RIMS2: variants seen among roughly 807,000 people sequenced by gnomAD.
RIMS2 encodes the protein regulating synaptic membrane exocytosis protein 2.
In RIMS2, 59 loss-of-function variants were observed where a neutral mutation model predicts 174.4. The observed-to-expected ratio is 0.34, with a 90% CI of 0.27 to 0.42. RIMS2 has a LOEUF of 0.42. RIMS2 is among the 10% of genes least tolerant of loss of function. The probability of loss-of-function intolerance (pLI) is 1.00; values close to 1 mark genes in which losing one functional copy is unlikely to be tolerated. For synonymous variants in RIMS2, 606 were observed against 572.5 expected (o/e 1.06, Z -0.84); for missense variants, 1,620 against 1,666.3 (o/e 0.97, Z 0.48).
intron 19 of RIMS2, among the ~76,000 whole-genome samples, chr8:104,222,800 G>C (rs953410198): frequency 6.6e-6 from 1 of 152,158 alleles, no homozygotes; most frequent in African/African-American, 2.4e-5. Flanking sequence ...ATTTAATTTA[G>C]AGAAAGAAGG....
chr8:104,151,715 G>A (rs2098690831), intron 19 of RIMS2, among the ~76,000 whole-genome samples: 1 of 152,156 alleles, frequency 6.6e-6, no homozygotes, highest in Non-Finnish European at 1.5e-5. Flanking sequence ...CACTTTTGAA[G>A]CTTGTGTCAG....
rs149129185 is a variant in RIMS2, at chr8:103,651,062, G to C, written c.177-46024G>C. Among the ~76,000 whole-genome samples, 939 of 152,344 alleles carry C rather than the reference G, an allele frequency of 6.2e-3. 12 individuals carry two copies. The highest frequency in any genetic ancestry group is 0.021 in the African/African-American group (889 of 41,576). ...CTGTGTGTGTCTAAGCAGCCGCTCT[G>C]CCGAAACCTCACATAGCTCAGTGTA... On this transcript the variant is annotated intron_variant, in intron 1 of 23. Transcript: ENST00000504942.
chr8:103,771,980 G>A (rs1450043048), intron 3 of RIMS2, among the ~76,000 whole-genome samples: 2 of 151,936 alleles, frequency 1.3e-5, no homozygotes, highest in Non-Finnish European at 2.9e-5. Flanking sequence ...AAACTGTAAA[G>A]TTTTAAGGTA....
At position 103,905,140 on chromosome 8, in the gene RIMS2, AT is replaced by A. The variant is rs544961589; in HGVS notation, c.1625-4991del. 1.2e-4 allele frequency among the ~76,000 whole-genome samples: 19 copies of A among 152,216 alleles called. No homozygotes were observed. The South Asian group carries it at 3.7e-3, about 30-fold the overall frequency. On this transcript the variant is annotated intron_variant, in intron 4 of 23. Coordinates refer to ENST00000504942, the Ensembl canonical transcript of RIMS2. ...CTGCACTTTAAATATCAGAAACATAATTTAGAAAACTCAAGAGGAGAAGAAA... is the reference window on the plus strand; with the variant it reads ...CTGCACTTTAAATATCAGAAACATAATTAGAAAACTCAAGAGGAGAAGAAA...
At chr8:103,912,647 G>A (rs926834150) in intron 6 of RIMS2, among the ~76,000 whole-genome samples, 1 of 152,070 alleles carries the variant, frequency 6.6e-6, no homozygotes, top group Non-Finnish European at 1.5e-5. Flanking sequence ...GTGCATATGT[G>A]CACTTAAGAG....
chr8:103,666,512 C>T (rs937433609), intron 1 of RIMS2, among the ~76,000 whole-genome samples: 2 of 152,154 alleles, frequency 1.3e-5, no homozygotes, highest in Non-Finnish European at 2.9e-5. Flanking sequence ...TTTGTAAGTC[C>T]TTGTAAACAG....
rs149617188 is a variant in RIMS2, at chr8:103,671,902, C to T, written c.177-25184C>T. ...AATGCTTCCCATATGCTTTAACATA[C>T]CAAATAAGCCTGTTCATCTCTCTTT... is the stretch of plus-strand genomic sequence containing the variant. On this transcript the variant is annotated intron_variant, in intron 1 of 23. Coordinates refer to ENST00000504942, the Ensembl canonical transcript of RIMS2. 5.9e-5 allele frequency among the ~76,000 whole-genome samples: 9 copies of T among 152,222 alleles called. 1 individual carries two copies. Among genetic ancestry groups the T allele is most frequent in the Middle Eastern group, 3.4e-3 (1 of 294 alleles).
intron 1 of RIMS2, among the ~76,000 whole-genome samples, chr8:103,535,026 T>G (rs1395642465): frequency 6.6e-6 from 1 of 152,224 alleles, no homozygotes; most frequent in African/African-American, 2.4e-5. Flanking sequence ...CTTGAAAATA[T>G]CCAGTTTACT....
chr8:104,031,515 A>G (rs1012069599), intron 19 of RIMS2, among the ~76,000 whole-genome samples: 2 of 152,094 alleles, frequency 1.3e-5, no homozygotes, highest in Non-Finnish European at 2.9e-5. Flanking sequence ...TTAATGTCAC[A>G]TTTCTATATT....
At chr8:103,581,922 G>C (rs1270270876) in intron 1 of RIMS2, among the ~76,000 whole-genome samples, 1 of 152,174 alleles carries the variant, frequency 6.6e-6, no homozygotes, top group Non-Finnish European at 1.5e-5. Context: ...TGGGGGAGGT[G>C]GCATGCAACA....
At chr8:103,901,274 C>A (rs1423969339) in intron 4 of RIMS2, among the ~76,000 whole-genome samples, 1 of 152,056 alleles carries the variant, frequency 6.6e-6, no homozygotes, top group African/African-American at 2.4e-5. Context: ...AATGGAGGGG[C>A]ATCTGAATCC....
intron 5 of RIMS2, among the ~76,000 whole-genome samples, chr8:103,911,024 C>G (rs1286722352): frequency 1.3e-5 from 2 of 152,026 alleles, no homozygotes; most frequent in Non-Finnish European, 2.9e-5. Context: ...GTTTTATTGT[C>G]ATAGCATTTT....
chr8:103,648,908 G>A (rs192218460), intron 1 of RIMS2, among the ~76,000 whole-genome samples: 74 of 152,268 alleles, frequency 4.9e-4, no homozygotes, highest in African/African-American at 1.8e-3. Context: ...GCAATTTTGT[G>A]TCTTTTAATT....
At chr8:103,625,388 C>G (rs1589265930) in intron 1 of RIMS2, among the ~76,000 whole-genome samples, 1 of 152,136 alleles carries the variant, frequency 6.6e-6, no homozygotes, top group Admixed American at 6.5e-5. Context: ...GAACAGAGCA[C>G]TAAGAAGGCA....
chr8:103,985,834 G>C (rs1176697511), intron 16 of RIMS2, among the ~76,000 whole-genome samples: 4 of 152,102 alleles, frequency 2.6e-5, no homozygotes, highest in South Asian at 4.1e-4. Context: ...GTTGAACCTA[G>C]AGGGCATTAT....
At chr8:103,552,623 T>G (rs1305664498) in intron 1 of RIMS2, among the ~76,000 whole-genome samples, 1 of 152,114 alleles carries the variant, frequency 6.6e-6, no homozygotes, top group Non-Finnish European at 1.5e-5. Flanking sequence ...CTAAAGAGCT[T>G]CTGCACAGCA....
intron 2 of RIMS2, among the ~76,000 whole-genome samples, chr8:103,699,050 T>C (rs1414915765): frequency 6.6e-6 from 1 of 152,220 alleles, no homozygotes; most frequent in African/African-American, 2.4e-5. Flanking sequence ...ATTCAGGTTA[T>C]CTTTCTTGAA....
At chr8:103,594,188 C>A (rs758159520) in intron 1 of RIMS2, among the ~76,000 whole-genome samples, 5 of 151,554 alleles carry the variant, frequency 3.3e-5, no homozygotes, top group Non-Finnish European at 7.4e-5. Flanking sequence ...GAGGCACTGC[C>A]TTTTTGTTTC....
intron 19 of RIMS2, 59 bp from the exon 25 acceptor site, chr8:104,148,548 A>G (rs1019665202): frequency 1.3e-5 from 19 of 1,467,342 alleles, no homozygotes; most frequent in Middle Eastern, 1.8e-4. Flanking sequence ...TCTAAAATGC[A>G]TTTTCTGTCT....
Sources: gnomAD v4.1 joint callset for allele counts (sites outside exome capture counted in the v4.1 genomes callset) on GRCh38, gnomAD v4.1.1 for gene constraint, MANE v1.5 for transcripts, NCBI Gene and HGNC (gene_info 2026-07-23, HGNC 2026-07-21) for gene names.